Variants in DUOXA1 observed in about 807,000 individuals in gnomAD.
The protein encoded by DUOXA1 is dual oxidase activator 1.
DUOXA1 carries 19 observed loss-of-function variants against 26.6 expected under a neutral mutation model. The observed-to-expected ratio is 0.71, with a 90% CI of 0.50 to 1.05. DUOXA1 has a LOEUF of 1.05. Ranked by LOEUF, DUOXA1 falls within the 50% of genes least tolerant of loss-of-function variation. DUOXA1 has a pLI of 0.00. For missense variants in DUOXA1, 403 were observed against 427.5 expected (o/e 0.94, Z 0.51); for synonymous variants, 166 against 177.0 (o/e 0.94, Z 0.49).
Position 45,118,149 on chromosome 15 carries a change from C to CT in DUOXA1, c.*956_*957insA. The CT allele has an allele frequency of 1.7e-5, 24 of 1,438,296 alleles. No homozygotes were observed. Among genetic ancestry groups the CT allele is most frequent in the Admixed American group, 1.7e-4 (6 of 36,080 alleles). 89.1% of individuals were successfully genotyped at this position (1,438,296 alleles called of 1,614,324 possible). On this transcript the variant is annotated 3_prime_UTR_variant, in exon 9 of 9. Coordinates refer to ENST00000560572, the MANE Select transcript of DUOXA1 (RefSeq NM_001276266.2). ...TTTCATGGCTTCTCCGCGCCGGGGT[C>CT]GCACGTCCTCATGAGCTTCGCTGGG...
chr15:45,118,164 G>T lies in DUOXA1; in HGVS notation c.*942C>A. On this transcript the variant is annotated 3_prime_UTR_variant, in exon 9 of 9. Coordinates refer to ENST00000560572, the MANE Select transcript of DUOXA1 (RefSeq NM_001276266.2). ...GCGCCGGGGTCGCACGTCCTCATGA[G>T]CTTCGCTGGGCTGGAGACAGCCTAG... 7.0e-7 allele frequency: 1 copy of T among 1,436,730 alleles called. No homozygotes were observed. Among genetic ancestry groups the T allele is most frequent in the Non-Finnish European group, 9.1e-7 (1 of 1,100,828 alleles). 89.0% of individuals were successfully genotyped at this position (1,436,730 alleles called of 1,614,324 possible). A position where few individuals can be genotyped will look rare whatever the true frequency, so the allele number is the denominator to read the frequency against.
Position 45,129,786 on chromosome 15 carries a change from A to G in DUOXA1, c.-303+66T>C, listed in dbSNP as rs1197207125. ...CTTTTTTCGCCGTCCACACAACCGC[A>G]CTAGCCGGGCCTTCGGCACCGACGG... On this transcript the variant is annotated intron_variant, in intron 1 of 8. Coordinates refer to ENST00000560572, the MANE Select transcript of DUOXA1 (RefSeq NM_001276266.2). This position sits in a 1 kb window ranked among gnomAD's most constrained non-coding sequence, Gnocchi z 4.1. 2.0e-5 allele frequency: 3 copies of G among 152,072 alleles called. No individual in the cohort carries two copies. The highest frequency in any genetic ancestry group is 6.5e-5 in the Admixed American group (1 of 15,268). 9.4% of individuals were successfully genotyped at this position (152,072 alleles called of 1,614,324 possible).
At position 45,122,977 on chromosome 15, in the gene DUOXA1, C is replaced by G; in HGVS notation, c.38G>C (p.Gly13Ala). The G allele has an allele frequency of 6.2e-7, 1 of 1,613,006 alleles. No individual in the cohort carries two copies. The highest frequency in any genetic ancestry group is 1.1e-5 in the South Asian group (1 of 90,892). Residue 13 changes from glycine to alanine, a missense_variant, in exon 4 of 9, where the codon GGC becomes GCC. Coordinates refer to ENST00000560572, the MANE Select transcript of DUOXA1 (RefSeq NM_001276266.2). ...GTCCATCGGGAAGGTTGGCTTGGGG[C>G]CAGCATAGAAGGGGAATGTGTGTCC... ...TLGHTFPFYA[G>A]PKPTFPMDTT...
In DUOXA1 at chr15:45,121,172, T is replaced by C. The variant is rs1895165239; in HGVS notation, c.255A>G (p.Thr85=). The C allele has an allele frequency of 6.2e-7, 1 of 1,614,110 alleles. No homozygotes were observed. The highest frequency in any genetic ancestry group is 8.5e-7 in the Non-Finnish European group (1 of 1,180,010). Residue 85 remains threonine (T), a synonymous_variant, in exon 6 of 9, where the codon ACA becomes ACG. Transcript: ENST00000560572. Reference sequence around the variant, plus strand: ...ACTCAGAACTGAAGGCCTTGTATGATGTGTTGGTGCTGACCTGGCCCACAG... The same window carrying C: ...ACTCAGAACTGAAGGCCTTGTATGACGTGTTGGTGCTGACCTGGCCCACAG... The part of the protein sequence containing the change: ...EWSVGQVSTN[T]SYKAFSSEWI...
In DUOXA1 at chr15:45,120,616, C is replaced by A. The variant is rs1224272562; in HGVS notation, c.530G>T (p.Gly177Val). ...CCATAGCATGGCTGAGGTGTAGTGT[C>A]CCGCCAGGCGGTACTGGCGGTATAG... Reference protein sequence around the residue: ...CGLYRQYRLAGHYTSAMLWVA... With the variant: ...CGLYRQYRLAVHYTSAMLWVA... Residue 177 changes from glycine to valine, a missense_variant, in exon 7 of 9, where the codon GGA becomes GTA. Gly to Val is a moderately radical substitution (Grantham distance 109, BLOSUM62 -3). Coordinates refer to ENST00000560572, the MANE Select transcript of DUOXA1 (RefSeq NM_001276266.2). 4 of 1,614,098 alleles carry A rather than the reference C, an allele frequency of 2.5e-6. No individual in the cohort carries two copies. Among genetic ancestry groups the A allele is most frequent in the Admixed American group, 3.3e-5 (2 of 60,026 alleles).
intron 3 of DUOXA1, among the ~76,000 whole-genome samples, chr15:45,128,272 T>C (rs1895839555): frequency 6.6e-6 from 1 of 152,260 alleles, no homozygotes; most frequent in Admixed American, 6.5e-5. Flanking sequence ...AGTTATGTGC[T>C]AACGTCTTGT....
rs1379033846 is a variant in DUOXA1, at chr15:45,118,200, G to C, written c.*906C>G. ...CTGGAGACAGCCTAGTACACTCTCC[G>C]CAGTGCTGTGAAACCTGATTCTCTG... On this transcript the variant is annotated 3_prime_UTR_variant, in exon 9 of 9. Coordinates refer to ENST00000560572, the MANE Select transcript of DUOXA1 (RefSeq NM_001276266.2). 6.3e-6 allele frequency: 9 copies of C among 1,424,412 alleles called. No individual in the cohort carries two copies. Among genetic ancestry groups the C allele is most frequent in the Non-Finnish European group, 8.2e-6 (9 of 1,095,102 alleles). 88.2% of individuals were successfully genotyped at this position (1,424,412 alleles called of 1,614,324 possible).
At chr15:45,120,504 C>G in intron 7 of DUOXA1, 88 bp downstream of exon 7, 1 of 1,510,814 alleles carries the variant, frequency 6.6e-7, no homozygotes, top group Non-Finnish European at 9.2e-7. Context: ...ACCTGAGATA[C>G]CCACATGAGT....
chr15:45,119,205 A>G lies in DUOXA1; in HGVS notation c.933T>C (p.Ala311=). The G allele has an allele frequency of 6.2e-7, 1 of 1,614,060 alleles. No homozygotes were observed. The highest frequency in any genetic ancestry group is 1.3e-5 in the African/African-American group (1 of 75,032). Residue 311 remains alanine (A), a synonymous_variant, in exon 9 of 9, where the codon GCT becomes GCC. Transcript: ENST00000560572. Reference sequence around the variant, plus strand: ...GAATGTCCTGGGACTTGGGACTGTCAGCCATGGACCGGTAGCGGGGGCTCA... The same window carrying G: ...GAATGTCCTGGGACTTGGGACTGTCGGCCATGGACCGGTAGCGGGGGCTCA... ...GLLSPRYRSM[A]DSPKSQDIPL...
chr15:45,117,738 A>G lies in DUOXA1; in HGVS notation c.*1368T>C. The G allele has an allele frequency of 5.6e-6, 9 of 1,612,860 alleles. No homozygotes were observed. The highest frequency in any genetic ancestry group is 7.6e-6 in the Non-Finnish European group (9 of 1,179,064). On this transcript the variant is annotated 3_prime_UTR_variant, in exon 9 of 9. Transcript: ENST00000560572. The stretch of plus-strand genomic sequence containing the variant: ...CAGGCGTCCTGTGCCTCTTCCTCGG[A>G]GGGGCCGTGGTGAGTCTCCAGTATG...
At chr15:45,119,870 G>A (rs1894994024) in intron 8 of DUOXA1, among the ~76,000 whole-genome samples, 1 of 151,740 alleles carries the variant, frequency 6.6e-6, no homozygotes, top group Non-Finnish European at 1.5e-5. Flanking sequence ...GAGAGTTAGG[G>A]GATGACAGAG....
At position 45,119,286 on chromosome 15, in the gene DUOXA1, G is replaced by A; in HGVS notation, c.852C>T (p.Asn284=). 3 of 1,614,180 alleles carry A rather than the reference G, an allele frequency of 1.9e-6. No homozygotes were observed. Among genetic ancestry groups the A allele is most frequent in the Non-Finnish European group, 2.5e-6 (3 of 1,180,014 alleles). Residue 284 remains asparagine (N), a synonymous_variant, in exon 9 of 9, where the codon AAC becomes AAT. Transcript: ENST00000560572. ...GCATGGGGTCTTCATCCACACTCTG[G>A]TTGAAGAAAGCCTTCAGCCTGTGAG... ...MQPHRLKAFF[N]QSVDEDPMLE...
intron 5 of DUOXA1, 128 bp from the exon 6 acceptor site, chr15:45,121,349 G>C (rs1335345649): frequency 2.0e-5 from 28 of 1,388,472 alleles, no homozygotes; most frequent in Non-Finnish European, 2.7e-5. Context: ...TAACTAGCCA[G>C]GGTCTGGCTC....
At chr15:45,122,144 G>A in intron 5 of DUOXA1, 41 bp downstream of exon 5, 1 of 1,568,406 alleles carries the variant, frequency 6.4e-7, no homozygotes, top group Middle Eastern at 1.7e-4. Context: ...GAGTTGAAGG[G>A]ATGGAGGCAG....
rs1894816405 is a variant in DUOXA1, at chr15:45,118,202, A to G, written c.*904T>C. The G allele has an allele frequency of 7.0e-7, 1 of 1,422,528 alleles. No individual in the cohort carries two copies. Among genetic ancestry groups the G allele is most frequent in the African/African-American group, 1.4e-5 (1 of 69,492 alleles). The allele number at this position is 1,422,528 out of a possible 1,614,324, so 88.1% of individuals were successfully genotyped here. On this transcript the variant is annotated 3_prime_UTR_variant, in exon 9 of 9. Transcript: ENST00000560572. ...GGAGACAGCCTAGTACACTCTCCGCAGTGCTGTGAAACCTGATTCTCTGCG... is the reference window on the plus strand; with the variant it reads ...GGAGACAGCCTAGTACACTCTCCGCGGTGCTGTGAAACCTGATTCTCTGCG...
Position 45,118,418 on chromosome 15 carries a change from T to A in DUOXA1, c.*688A>T. 1 of 1,032,486 alleles carries A rather than the reference T, an allele frequency of 9.7e-7. No individual in the cohort carries two copies. The highest frequency in any genetic ancestry group is 1.7e-5 in the African/African-American group (1 of 59,144). 64.0% of individuals were successfully genotyped at this position (1,032,486 alleles called of 1,614,324 possible). On this transcript the variant is annotated 3_prime_UTR_variant, in exon 9 of 9. Coordinates refer to ENST00000560572, the MANE Select transcript of DUOXA1 (RefSeq NM_001276266.2). ...GAAGGAATAGCGTTTTGGAGTTGAT[T>A]CCCTAACTTCCCACCTGGCTTCTTG...
In DUOXA1 at chr15:45,118,925, C is replaced by CT; in HGVS notation, c.*180dup. Reference sequence around the variant, plus strand: ...CCAGCATCTCTTCAGTCCCTTAGGGCTTTTTGTTTTGTTTTGTTTTTTAAC... The same window carrying CT: ...CCAGCATCTCTTCAGTCCCTTAGGGCTTTTTTGTTTTGTTTTGTTTTTTAAC... On this transcript the variant is annotated 3_prime_UTR_variant, in exon 9 of 9. Transcript: ENST00000560572. 1 of 1,340,976 alleles carries CT rather than the reference C, an allele frequency of 7.5e-7. No individual in the cohort carries two copies. Among genetic ancestry groups the CT allele is most frequent in the Non-Finnish European group, 9.5e-7 (1 of 1,048,150 alleles). 83.1% of individuals were successfully genotyped at this position (1,340,976 alleles called of 1,614,324 possible). A position where few individuals can be genotyped will look rare whatever the true frequency, so the allele number is the denominator to read the frequency against.
At chr15:45,127,070 CG>C (rs1566998976) in intron 3 of DUOXA1, among the ~76,000 whole-genome samples, 3 of 151,982 alleles carry the variant, frequency 2.0e-5, no homozygotes, top group African/African-American at 7.3e-5. Flanking sequence ...TGTTTACTGA[CG>C]TAAGAATTCT....
intron 3 of DUOXA1, among the ~76,000 whole-genome samples, chr15:45,127,535 G>A (rs753571379): frequency 3.3e-5 from 5 of 152,026 alleles, no homozygotes; most frequent in Admixed American, 1.3e-4. Flanking sequence ...TCATAACTTA[G>A]GTCTTCCTTT....
Sources: allele counts gnomAD v4.1 joint callset (sites outside exome capture counted in the v4.1 genomes callset), GRCh38; gene constraint gnomAD v4.1.1; non-coding constraint Gnocchi (gnomAD v3.1); transcripts MANE v1.5; gene names NCBI Gene and HGNC (gene_info 2026-07-23, HGNC 2026-07-21).